PRORP: variants seen among roughly 807,000 people sequenced by gnomAD.
PRORP encodes mitochondrial ribonuclease P catalytic subunit.
Under a neutral mutation model 59.4 loss-of-function variants are expected in PRORP, and 51 were observed. The observed-to-expected ratio is 0.86, with a 90% CI of 0.69 to 1.08. The LOEUF (loss-of-function observed/expected upper bound fraction) is 1.08, where lower values mean the gene tolerates loss of function less well. PRORP is among the 50% of genes least tolerant of loss of function. The pLI, the probability that PRORP is intolerant of heterozygous loss-of-function variation, is 0.00. For missense variants in PRORP, 646 were observed against 690.3 expected, an observed-to-expected ratio of 0.94 and a Z score of 0.72; for synonymous variants, 231 against 245.6, an observed-to-expected ratio of 0.94 and a Z score of 0.55.
At chr14:35,273,053 T>C (rs1195276660) in intron 7 of PRORP, among the ~76,000 whole-genome samples, 2 of 152,204 alleles carry the variant, frequency 1.3e-5, no homozygotes, top group Non-Finnish European at 2.9e-5. Context: ...TTGTTTTGTT[T>C]CGTTTTGTTT....
intron 4 of PRORP, among the ~76,000 whole-genome samples, chr14:35,173,668 G>A (rs964633001): frequency 2.0e-5 from 3 of 152,064 alleles, no homozygotes; most frequent in African/African-American, 7.2e-5. Context: ...ACTGTCTGGA[G>A]ATTGCCCTCT....
chr14:35,231,500 G>C (rs746493816), intron 5 of PRORP, among the ~76,000 whole-genome samples: 3 of 152,078 alleles, frequency 2.0e-5, no homozygotes, highest in African/African-American at 4.8e-5. Context: ...TGTTTTAATG[G>C]AAATTATACA....
At chr14:35,165,310 G>T (rs1306644210) in intron 4 of PRORP, among the ~76,000 whole-genome samples, 3 of 152,112 alleles carry the variant, frequency 2.0e-5, no homozygotes, top group Admixed American at 6.5e-5. Flanking sequence ...GTTGCTCTGA[G>T]GGATAGTACA....
At chr14:35,258,699 G>A (rs1170592044) in intron 5 of PRORP, among the ~76,000 whole-genome samples, 1 of 152,094 alleles carries the variant, frequency 6.6e-6, no homozygotes, top group African/African-American at 2.4e-5. Context: ...TAAGCCTGAG[G>A]TATTGGGTAC....
chr14:35,186,060 G>GCTCAA (rs2048732587), intron 5 of PRORP, among the ~76,000 whole-genome samples: 1 of 152,036 alleles, frequency 6.6e-6, no homozygotes, highest in Admixed American at 6.6e-5. Flanking sequence ...GTGGAACTGG[G>GCTCAA]GACTATAAAG....
At position 35,274,356 on chromosome 14, in the gene PRORP, T is replaced by C. The variant is rs1181647442; in HGVS notation, c.*790T>C. 6.6e-6 allele frequency: 1 copy of C among 151,126 alleles called. No homozygotes were observed. The highest frequency in any genetic ancestry group is 1.5e-5 in the Non-Finnish European group (1 of 67,858). 9.4% of individuals were successfully genotyped at this position (151,126 alleles called of 1,614,324 possible). On this transcript the variant is annotated 3_prime_UTR_variant, in exon 8 of 8. Coordinates refer to ENST00000534898, the MANE Select transcript of PRORP (RefSeq NM_014672.4). ...TTGTAGAGATGGCTGTCTCACTCTGTTGACAAGACTAGTCTCCAACCCCTG... is the reference window on the plus strand; with the variant it reads ...TTGTAGAGATGGCTGTCTCACTCTGCTGACAAGACTAGTCTCCAACCCCTG...
intron 5 of PRORP, among the ~76,000 whole-genome samples, chr14:35,228,933 CT>C (rs1373883847): frequency 6.6e-6 from 1 of 152,162 alleles, no homozygotes; most frequent in East Asian, 1.9e-4. Context: ...TGAGCCTTCC[CT>C]TTTCTCCACA....
chr14:35,152,909 G>A (rs1254498932), intron 4 of PRORP, among the ~76,000 whole-genome samples: 2 of 151,340 alleles, frequency 1.3e-5, no homozygotes, highest in Admixed American at 6.6e-5. Context: ...TTCCCAGACT[G>A]GGCAGCCGGG....
At chr14:35,188,735 T>C (rs749993440) in intron 5 of PRORP, among the ~76,000 whole-genome samples, 8 of 151,730 alleles carry the variant, frequency 5.3e-5, no homozygotes, top group Non-Finnish European at 1.0e-4. Context: ...CCCAGAACTT[T>C]GGGATGCCAA....
intron 4 of PRORP, among the ~76,000 whole-genome samples, chr14:35,153,406 G>GGAGA (rs71435861): frequency 0.78 from 118,440 of 151,220 alleles, 46,743 homozygotes; most frequent in Non-Finnish European, 0.84. Context: ...GAGACCGTGG[G>GGAGA]GAGAGAGGGA....
Position 35,254,593 on chromosome 14 carries a change from T to C in PRORP, c.1276-12134T>C, listed in dbSNP as rs145221904. On this transcript the variant is annotated intron_variant, in intron 5 of 7. Transcript: ENST00000534898. ...TTTTAGTAGAGATGAGGTTTCTCCA[T>C]GTTGATCAGGCAGGTCTTGAACTCC... Among the ~76,000 whole-genome samples, 403 of 152,330 alleles carry C rather than the reference T, an allele frequency of 2.6e-3. 4 individuals are homozygous for C. The highest frequency in any genetic ancestry group is 8.3e-3 in the African/African-American group (346 of 41,570).
intron 5 of PRORP, among the ~76,000 whole-genome samples, chr14:35,218,871 A>C (rs2049692527): frequency 6.6e-6 from 1 of 152,066 alleles, no homozygotes; most frequent in Non-Finnish European, 1.5e-5. Context: ...CAGATATTCT[A>C]TGTGGACGTC....
Position 35,123,716 on chromosome 14 carries a change from G to A in PRORP, c.471G>A (p.Val157=), listed in dbSNP as rs141624294. The part of the protein sequence containing the change: ...QMAGCHSSID[V]AKSLLAWVAA... ...CTGGCTGTCATAGCTCTATAGATGTGGCTAAATCTCTGCTGGCATGGGTAG... is the reference window on the plus strand; with the variant it reads ...CTGGCTGTCATAGCTCTATAGATGTAGCTAAATCTCTGCTGGCATGGGTAG... The change falls in exon 2 of 8, where the codon GTG becomes GTA. Residue 157 remains valine, a synonymous_variant. Coordinates refer to ENST00000534898, the MANE Select transcript of PRORP (RefSeq NM_014672.4). 600 of 1,614,174 alleles carry A rather than the reference G, an allele frequency of 3.7e-4. No homozygotes were observed. In the African/African-American group the frequency reaches 5.8e-3, roughly 16 times the overall value.
Position 35,233,659 on chromosome 14 carries a change from G to A in PRORP, c.1276-33068G>A, listed in dbSNP as rs1456834214. Among the ~76,000 whole-genome samples, 2 of 137,068 alleles carry A rather than the reference G, an allele frequency of 1.5e-5. 1 individual carries two copies. The highest frequency in any genetic ancestry group is 5.5e-5 in the African/African-American group (2 of 36,638). The allele number at this position is 137,068 out of a possible 152,430, so 89.9% of individuals were successfully genotyped here. ...TTCTTTCTTTACCTTCTACAGTATTGAAGGATTTTTTTCCTTTGTCTTTGA... is the reference window on the plus strand; with the variant it reads ...TTCTTTCTTTACCTTCTACAGTATTAAAGGATTTTTTTCCTTTGTCTTTGA... On this transcript the variant is annotated intron_variant, in intron 5 of 7. Coordinates refer to ENST00000534898, the MANE Select transcript of PRORP (RefSeq NM_014672.4).
At chr14:35,242,798 A>G (rs1371746222) in intron 5 of PRORP, among the ~76,000 whole-genome samples, 1 of 152,192 alleles carries the variant, frequency 6.6e-6, no homozygotes, top group African/African-American at 2.4e-5. Context: ...CATATTTTAC[A>G]ATCCAGTGAT....
intron 5 of PRORP, among the ~76,000 whole-genome samples, chr14:35,223,614 T>G (rs1413382804): frequency 6.6e-6 from 1 of 152,032 alleles, no homozygotes; most frequent in East Asian, 1.9e-4. Context: ...TGCGCGCCAC[T>G]GCGCCCAGCT....
chr14:35,186,674 G>A (rs1369663252), intron 5 of PRORP, among the ~76,000 whole-genome samples: 1 of 151,392 alleles, frequency 6.6e-6, no homozygotes, highest in Non-Finnish European at 1.5e-5. Context: ...CTCACTGCAG[G>A]CTTGACCTCC....
intron 4 of PRORP, among the ~76,000 whole-genome samples, chr14:35,170,090 C>G (rs2048278140): frequency 1.3e-5 from 2 of 152,070 alleles, no homozygotes; most frequent in African/African-American, 2.4e-5. Flanking sequence ...TTCTTCAAGT[C>G]TATTTTGTCT....
intron 4 of PRORP, among the ~76,000 whole-genome samples, chr14:35,161,903 C>G (rs956232831): frequency 7.9e-5 from 12 of 152,014 alleles, no homozygotes; most frequent in Non-Finnish European, 1.5e-4. Flanking sequence ...TACCTAACTG[C>G]TAGGGAGCAT....
Sources: gnomAD v4.1 joint callset for allele counts (sites outside exome capture counted in the v4.1 genomes callset) on GRCh38, gnomAD v4.1.1 for gene constraint, MANE v1.5 for transcripts, NCBI Gene and HGNC (gene_info 2026-07-23, HGNC 2026-07-21) for gene names.